The following SGO2 variants were observed in gnomAD, a reference collection of about 807,000 sequenced individuals.
SGO2 encodes the protein shugoshin-like 2.
Under a neutral mutation model 99.5 loss-of-function variants are expected in SGO2, and 68 were observed. The ratio of observed to expected loss-of-function variants is 0.68; its 90% CI spans 0.56 to 0.84. The LOEUF (loss-of-function observed/expected upper bound fraction) is 0.84, where lower values mean the gene tolerates loss of function less well. Ranked by LOEUF, SGO2 falls within the 40% of genes least tolerant of loss-of-function variation. The pLI, the probability that SGO2 is intolerant of heterozygous loss-of-function variation, is 0.00. For missense variants in SGO2, 1,350 were observed against 1,436.7 expected (o/e 0.94, Z 0.97); for synonymous variants, 457 against 487.1 (o/e 0.94, Z 0.81).
rs538716591 is a variant in SGO2, at chr2:200,557,361, A to G, written c.474-12302A>G. Among the ~76,000 whole-genome samples, 24 of 152,150 alleles carry G rather than the reference A, an allele frequency of 1.6e-4. No individual in the cohort carries two copies. In the South Asian group the frequency reaches 4.8e-3, roughly 30 times the overall value. ...TAAGTTGGGCCTCTAACCCAATCCC[A>G]TCCTTTACCTGGGCACCCCACCACT... On this transcript the variant is annotated intron_variant, in intron 5 of 8. Coordinates refer to ENST00000357799, the MANE Select transcript of SGO2 (RefSeq NM_152524.6).
chr2:200,537,405 A>G (rs889435855), intron 4 of SGO2, among the ~76,000 whole-genome samples: 1 of 152,078 alleles, frequency 6.6e-6, no homozygotes, highest in African/African-American at 2.4e-5. Flanking sequence ...CACTATCTCT[A>G]GTTTCTCTTG....
chr2:200,575,186 CCT>C, intron 7 of SGO2, 123 bp from the exon 8 acceptor site: 1 of 491,586 alleles, frequency 2.0e-6, no homozygotes, highest in South Asian at 8.8e-5. Flanking sequence ...TAGTCTCTTT[CCT>C]CTCAAAATTG....
At chr2:200,568,104 TCTC>T in intron 5 of SGO2, among the ~76,000 whole-genome samples, 1 of 152,318 alleles carries the variant, frequency 6.6e-6, no homozygotes, top group East Asian at 1.9e-4. Flanking sequence ...GATTTCTCCA[TCTC>T]CTCACCAACA....
intron 5 of SGO2, among the ~76,000 whole-genome samples, chr2:200,554,760 T>A (rs2032634740): frequency 6.6e-6 from 1 of 152,218 alleles, no homozygotes; most frequent in South Asian, 2.1e-4. Context: ...AAGATTTTTA[T>A]GCCAAATACG....
At chr2:200,536,849 T>C (rs2031718988) in intron 4 of SGO2, among the ~76,000 whole-genome samples, 2 of 152,154 alleles carry the variant, frequency 1.3e-5, no homozygotes. Flanking sequence ...AAGAAAAGTA[T>C]AGAATAAAGT....
intron 8 of SGO2, among the ~76,000 whole-genome samples, chr2:200,579,738 G>A (rs913171717): frequency 1.3e-5 from 2 of 152,128 alleles, no homozygotes; most frequent in Admixed American, 1.3e-4. Context: ...TTTTCATAAT[G>A]TGATGTTGAA....
At chr2:200,574,610 T>A (rs2033584133) in intron 7 of SGO2, among the ~76,000 whole-genome samples, 1 of 152,052 alleles carries the variant, frequency 6.6e-6, no homozygotes, top group Non-Finnish European at 1.5e-5. Flanking sequence ...CCCTAAAGGA[T>A]AAGTAAGATT....
intron 5 of SGO2, among the ~76,000 whole-genome samples, chr2:200,558,374 T>A (rs2032806034): frequency 6.6e-6 from 1 of 152,172 alleles, no homozygotes; most frequent in South Asian, 2.1e-4. Flanking sequence ...GCTTTTTCTG[T>A]CACTATTGAG....
rs2033227927 is a variant in SGO2, at chr2:200,567,266, A to AT, written c.474-2392dup. Among the ~76,000 whole-genome samples the AT allele has an allele frequency of 2.0e-5, 3 of 152,078 alleles. No homozygotes were observed. The South Asian group carries it at 6.2e-4, about 32-fold the overall frequency. On this transcript the variant is annotated intron_variant, in intron 5 of 8. Coordinates refer to ENST00000357799, the MANE Select transcript of SGO2 (RefSeq NM_152524.6). ...CTGTAGTGAGAACCTTTCTTTCCTG[A>AT]TTTTTGTAATTTGTATGTTTAATCA...
chr2:200,577,678 C>CT lies in SGO2; in HGVS notation c.3782+2231dup, dbSNP rs748786844. 6.9e-3 allele frequency among the ~76,000 whole-genome samples: 969 copies of CT among 140,656 alleles called. 4 individuals carry two copies. The highest frequency in any genetic ancestry group is 0.026 in the Middle Eastern group (7 of 274). 92.3% of individuals were successfully genotyped at this position (140,656 alleles called of 152,430 possible). A position where few individuals can be genotyped will look rare whatever the true frequency, so the allele number is the denominator to read the frequency against. On this transcript the variant is annotated intron_variant, in intron 8 of 8. Coordinates refer to ENST00000357799, the MANE Select transcript of SGO2 (RefSeq NM_152524.6). Reference sequence around the variant, plus strand: ...CCTCCAACCTATGACAGTTTTCAGTCTTTTTTTTTTTTTTCTGCCTTGGAC... The same window carrying CT: ...CCTCCAACCTATGACAGTTTTCAGTCTTTTTTTTTTTTTTTCTGCCTTGGAC...
chr2:200,565,978 A>AGGG (rs1421372803), intron 5 of SGO2, among the ~76,000 whole-genome samples: 2 of 152,172 alleles, frequency 1.3e-5, no homozygotes, highest in African/African-American at 4.8e-5. Flanking sequence ...TCTGTTTTCA[A>AGGG]GGGTTTTAGC....
At chr2:200,533,903 A>T (rs2031559582) in intron 2 of SGO2, among the ~76,000 whole-genome samples, 1 of 152,080 alleles carries the variant, frequency 6.6e-6, no homozygotes, top group South Asian at 2.1e-4. Flanking sequence ...TCCCTTTGGC[A>T]AGACTATTCC....
chr2:200,574,979 A>G (rs1294718427), intron 7 of SGO2, among the ~76,000 whole-genome samples: 2 of 152,046 alleles, frequency 1.3e-5, no homozygotes, highest in Non-Finnish European at 2.9e-5. Flanking sequence ...GATTTGTTAG[A>G]AGACTGGTGA....
Position 200,533,519 on chromosome 2 carries a change from ATGTGTG to A in SGO2, c.133+435_133+440del, listed in dbSNP as rs35068823. The A allele has an allele frequency of 9.2e-3, 1,327 of 144,018 alleles. 8 individuals are homozygous for A. The highest frequency in any genetic ancestry group is 0.012 in the Non-Finnish European group (773 of 64,402). The allele number at this position is 144,018 out of a possible 1,614,324, so 8.9% of individuals were successfully genotyped here. A position where few individuals can be genotyped will look rare whatever the true frequency, so the allele number is the denominator to read the frequency against. Reference sequence around the variant, plus strand: ...ATACGTGTGTATATATATAATGTATATGTGTGTGTGTGTGTGTGTGTGTGTGTGTAT... The same window carrying A: ...ATACGTGTGTATATATATAATGTATATGTGTGTGTGTGTGTGTGTGTGTAT... On this transcript the variant is annotated intron_variant, in intron 2 of 8. Coordinates refer to ENST00000357799, the MANE Select transcript of SGO2 (RefSeq NM_152524.6).
At chr2:200,565,735 A>T (rs998189445) in intron 5 of SGO2, among the ~76,000 whole-genome samples, 2 of 152,136 alleles carry the variant, frequency 1.3e-5, no homozygotes, top group Admixed American at 1.3e-4. Context: ...ACATAGTCCC[A>T]TATTTCTTGG....
At chr2:200,542,536 A>T in intron 4 of SGO2, 43 bp from the exon 5 acceptor site, 5 of 1,471,956 alleles carry the variant, frequency 3.4e-6, no homozygotes, top group Non-Finnish European at 4.7e-6. Context: ...ACATGATTTA[A>T]TAAGGTTAGA....
chr2:200,571,594 G>C lies in SGO2; in HGVS notation c.1248G>C (p.Gln416His), dbSNP rs1331499978. Residue 416 changes from glutamine to histidine, a missense_variant, in exon 7 of 9, where the codon CAG becomes CAC. Coordinates refer to ENST00000357799, the MANE Select transcript of SGO2 (RefSeq NM_152524.6). The stretch of plus-strand genomic sequence containing the variant: ...AAAAGAGAGAAAGATCAAAGAGACA[G>C]TTTAAAAATAGTTCAGATGTCGATA... ...SEKKRERSKR[Q>H]FKNSSDVDIG... 11 of 1,612,392 alleles carry C rather than the reference G, an allele frequency of 6.8e-6. No individual in the cohort carries two copies. The highest frequency in any genetic ancestry group is 2.7e-5 in the African/African-American group (2 of 74,866).
intron 2 of SGO2, 142 bp from the exon 3 acceptor site, chr2:200,534,854 A>C: frequency 1.8e-6 from 1 of 543,780 alleles, no homozygotes; most frequent in Non-Finnish European, 3.1e-6. Flanking sequence ...ATTTTTCTCA[A>C]AACTACATCT....
At chr2:200,579,933 T>C (rs2033784436) in intron 8 of SGO2, among the ~76,000 whole-genome samples, 1 of 152,210 alleles carries the variant, frequency 6.6e-6, no homozygotes, top group Non-Finnish European at 1.5e-5. Flanking sequence ...TTATAGTGCA[T>C]TATAATTTAT....
Sources: allele counts gnomAD v4.1 joint callset (sites outside exome capture counted in the v4.1 genomes callset), GRCh38; gene constraint gnomAD v4.1.1; transcripts MANE v1.5; gene names NCBI Gene and HGNC (gene_info 2026-07-23, HGNC 2026-07-21).